The following LSM2 variants were observed in gnomAD, a reference collection of about 807,000 sequenced individuals.
LSM2 encodes U6 snRNA-associated Sm-like protein LSm2.
A neutral mutation model predicts 17.0 loss-of-function variants in LSM2; 12 were observed. The observed-to-expected ratio is 0.70, with a 90% CI of 0.45 to 1.14. The LOEUF (loss-of-function observed/expected upper bound fraction) is 1.14. Ranked by LOEUF, LSM2 falls within the 50% of genes most tolerant of loss-of-function variation. LSM2 has a pLI of 0.00. For missense variants in LSM2, 62 were observed against 111.8 expected (o/e 0.55, Z 2.01); for synonymous variants, 42 against 44.5 (o/e 0.94, Z 0.22).
At chr6:31,805,896 T>C (rs1368121079) in intron 2 of LSM2, among the ~76,000 whole-genome samples, 179 bp downstream of exon 2, 1 of 152,080 alleles carries the variant, frequency 6.6e-6, no homozygotes, top group Non-Finnish European at 1.5e-5. Flanking sequence ...GCTCAAGCTT[T>C]CCTCCTTCCT....
intron 1 of LSM2, 54 bp downstream of exon 1, chr6:31,806,701 C>T: frequency 1.2e-6 from 2 of 1,601,060 alleles, no homozygotes; most frequent in Non-Finnish European, 1.7e-6. Flanking sequence ...AGATCCCCCG[C>T]CCCAACCATG....
chr6:31,804,582 T>C (rs537138302), intron 2 of LSM2, among the ~76,000 whole-genome samples: 1 of 152,016 alleles, frequency 6.6e-6, no homozygotes, highest in Non-Finnish European at 1.5e-5. Context: ...TATTTTTCTT[T>C]CTTTAAGCAC....
Position 31,797,645 on chromosome 6 carries a change from T to C in LSM2, c.*112A>G. 2 of 1,502,852 alleles carry C rather than the reference T, an allele frequency of 1.3e-6. No individual in the cohort carries two copies. Among genetic ancestry groups the C allele is most frequent in the East Asian group, 4.5e-5 (2 of 44,156 alleles). 93.1% of individuals were successfully genotyped at this position (1,502,852 alleles called of 1,614,324 possible). A position where few individuals can be genotyped will look rare whatever the true frequency, so the allele number is the denominator to read the frequency against. ...CCCTTAAAAAAAACCCACAAAACCA[T>C]CATTAGTAAAAAAACAAAACCCCTT... On this transcript the variant is annotated 3_prime_UTR_variant, in exon 5 of 5. Coordinates refer to ENST00000375661, the MANE Select transcript of LSM2 (RefSeq NM_021177.5).
chr6:31,802,002 C>T (rs1291678678), intron 2 of LSM2, among the ~76,000 whole-genome samples: 1 of 151,902 alleles, frequency 6.6e-6, no homozygotes, highest in Non-Finnish European at 1.5e-5. Context: ...TATAAAAAGG[C>T]CGGGTGCAGT....
At chr6:31,800,791 G>T (rs1814654116) in intron 2 of LSM2, among the ~76,000 whole-genome samples, 1 of 151,842 alleles carries the variant, frequency 6.6e-6, no homozygotes, top group Non-Finnish European at 1.5e-5. Flanking sequence ...GGAGGCTGAG[G>T]TAGAAAAATG....
At chr6:31,801,253 T>A (rs1581677473) in intron 2 of LSM2, among the ~76,000 whole-genome samples, 2 of 151,498 alleles carry the variant, frequency 1.3e-5, no homozygotes. Flanking sequence ...GCAATCATTA[T>A]TTTTTTTGAG....
At chr6:31,801,706 G>C (rs751562299) in intron 2 of LSM2, among the ~76,000 whole-genome samples, 9 of 152,134 alleles carry the variant, frequency 5.9e-5, no homozygotes, top group Non-Finnish European at 1.3e-4. Flanking sequence ...TGAGGTGGAA[G>C]AATCACTTGA....
intron 2 of LSM2, among the ~76,000 whole-genome samples, chr6:31,800,260 C>A (rs901093847): frequency 6.6e-6 from 1 of 151,746 alleles, no homozygotes; most frequent in Non-Finnish European, 1.5e-5. Flanking sequence ...CACTTGAACC[C>A]GGGAGGTGGA....
At chr6:31,802,232 A>C (rs1055805445) in intron 2 of LSM2, among the ~76,000 whole-genome samples, 1 of 151,912 alleles carries the variant, frequency 6.6e-6, no homozygotes, top group East Asian at 1.9e-4. Flanking sequence ...GTGACCCGAG[A>C]TCATGCCACT....
chr6:31,801,688 C>T (rs1174764785), intron 2 of LSM2, among the ~76,000 whole-genome samples: 6 of 151,964 alleles, frequency 3.9e-5, no homozygotes, highest in South Asian at 2.1e-4. Flanking sequence ...CCCAGCTATT[C>T]GGGAGGCTGA....
At chr6:31,799,818 A>G (rs1814592277) in intron 2 of LSM2, among the ~76,000 whole-genome samples, 1 of 152,114 alleles carries the variant, frequency 6.6e-6, no homozygotes, top group Admixed American at 6.6e-5. Context: ...CCATTCCCCA[A>G]TCCTCGAGCC....
intron 2 of LSM2, among the ~76,000 whole-genome samples, chr6:31,804,863 T>C (rs1255230208): frequency 6.7e-6 from 1 of 149,044 alleles, no homozygotes; most frequent in Non-Finnish European, 1.5e-5. Flanking sequence ...GCCTCCCAGG[T>C]TCACGCCATT....
At chr6:31,798,861 T>C (rs1814541853) in intron 2 of LSM2, among the ~76,000 whole-genome samples, 1 of 150,096 alleles carries the variant, frequency 6.7e-6, no homozygotes, top group Non-Finnish European at 1.5e-5. Context: ...CTCAGTCTCC[T>C]GAGTAGCTAG....
At chr6:31,801,489 A>G (rs980316733) in intron 2 of LSM2, among the ~76,000 whole-genome samples, 73 of 152,196 alleles carry the variant, frequency 4.8e-4, no homozygotes, top group African/African-American at 1.8e-3. Flanking sequence ...TGGTCTGACA[A>G]CAAACATAAG....
rs771928147 is a variant in LSM2 at position 31,798,047 on chromosome 6, A to C, written c.105T>G (p.Tyr35Ter). ...TGATGTCAGTTAGTTTGATGTTGAG[A>C]TACTAGGAAAGGAAGATGAACACCA... Reference protein sequence around the residue: ...ICGTLHSVDQYLNIKLTDISV... With the variant: ...ICGTLHSVDQ The change falls in exon 4 of 5, where the codon TAT becomes TAG. Residue 35 changes from tyrosine to a stop codon, truncating the protein, a stop_gained and splice_region_variant. Coordinates refer to ENST00000375661, the MANE Select transcript of LSM2 (RefSeq NM_021177.5). LOFTEE classifies it high-confidence loss of function. 2.5e-6 allele frequency: 4 copies of C among 1,590,742 alleles called. No individual in the cohort carries two copies. The highest frequency in any genetic ancestry group is 3.4e-6 in the Non-Finnish European group (4 of 1,172,290).
intron 2 of LSM2, among the ~76,000 whole-genome samples, chr6:31,800,294 C>A (rs2151445313): frequency 6.6e-6 from 1 of 152,188 alleles, no homozygotes; most frequent in Admixed American, 6.5e-5. Context: ...CGAGATCGAG[C>A]CACTGCACTC....
rs1318276199 is a variant in LSM2 at position 31,797,781 on chromosome 6, C to G, written c.264G>C (p.Lys88Asn). 6.2e-7 allele frequency: 1 copy of G among 1,612,878 alleles called. No individual in the cohort carries two copies. Among genetic ancestry groups the G allele is most frequent in the African/African-American group, 1.3e-5 (1 of 74,908 alleles). The part of the protein sequence containing the change: ...DTQLLQDAAR[K>N]EALQQKQ ...ATCACTGTTTCTGCTGCAGGGCTTC[C>G]TTCCTTGCCGCATCCTGTAGCAACT... The change falls in exon 5 of 5, where the codon AAG (lysine) becomes AAC (asparagine). Residue 88 changes from lysine to asparagine, a missense_variant. Physicochemically the swap from Lys to Asn is moderately conservative, Grantham distance 94 (BLOSUM62 0). Transcript: ENST00000375661.
rs573305540 is a variant in LSM2, at chr6:31,798,526, G to A, written c.72-19C>T. On this transcript the variant is annotated intron_variant, in intron 2 of 4. Transcript: ENST00000375661. ...ACAGATGCTGTCAAGGGCAGAGGGAGAGAAGAATCAAATTAGTTTATAACA... is the reference window on the plus strand; with the variant it reads ...ACAGATGCTGTCAAGGGCAGAGGGAAAGAAGAATCAAATTAGTTTATAACA... The A allele has an allele frequency of 2.8e-4, 445 of 1,612,668 alleles. 5 individuals carry two copies. The South Asian group carries it at 4.5e-3, about 16-fold the overall frequency.
chr6:31,801,170 CA>C lies in LSM2; in HGVS notation c.72-2664del, dbSNP rs9281582. On this transcript the variant is annotated intron_variant, in intron 2 of 4. Coordinates refer to ENST00000375661, the MANE Select transcript of LSM2 (RefSeq NM_021177.5). ...TCGGTGACAGAGTAAGGATCTGTCT[CA>C]AAAAAAAAAAAAAAAAAAAAAGACC... Among the ~76,000 whole-genome samples the C allele has an allele frequency of 9.8e-3, 520 of 53,286 alleles. 2 individuals carry two copies. Among genetic ancestry groups the C allele is most frequent in the Middle Eastern group, 0.029 (3 of 102 alleles). The allele number at this position is 53,286 out of a possible 152,430, so 35.0% of individuals were successfully genotyped here. A position where few individuals can be genotyped will look rare whatever the true frequency, so the allele number is the denominator to read the frequency against.
Sources: gnomAD v4.1 joint callset for allele counts (sites outside exome capture counted in the v4.1 genomes callset) on GRCh38, gnomAD v4.1.1 for gene constraint, MANE v1.5 for transcripts, NCBI Gene and HGNC (gene_info 2026-07-23, HGNC 2026-07-21) for gene names.